Variants in HOXA7 observed in about 807,000 individuals in gnomAD.
HOXA7 encodes the protein homeobox A7.
In HOXA7, 16 loss-of-function variants were observed where a neutral mutation model predicts 16.8. The observed-to-expected ratio is 0.95, with a 90% CI of 0.64 to 1.44. HOXA7 has a LOEUF of 1.44. Ranked by LOEUF, HOXA7 falls within the 40% of genes most tolerant of loss-of-function variation. HOXA7 has a pLI of 0.00. For missense variants in HOXA7, 379 were observed against 328.6 expected (o/e 1.15, Z -1.19); for synonymous variants, 169 against 144.3 (o/e 1.17, Z -1.23).
Position 27,156,074 on chromosome 7 carries a change from GGCCCCGCGCCCCGC to G in HOXA7, c.379+79_379+92del, listed in dbSNP as rs979358073. On this transcript the variant is annotated intron_variant, in intron 1 of 1. Transcript: ENST00000242159. ...CGCAACAGCCTGGCTCCGCTCTTCCGGCCCCGCGCCCCGCGCTCCGCGCTCCCCAGCGCTGCGCT... is the reference window on the plus strand; with the variant it reads ...CGCAACAGCCTGGCTCCGCTCTTCCGGCTCCGCGCTCCCCAGCGCTGCGCT... 2.7e-5 allele frequency: 37 copies of G among 1,351,776 alleles called. 1 individual carries two copies. In the Admixed American group the frequency reaches 4.8e-4, roughly 17 times the overall value. The allele number at this position is 1,351,776 out of a possible 1,614,324, so 83.7% of individuals were successfully genotyped here. A position where few individuals can be genotyped will look rare whatever the true frequency, so the allele number is the denominator to read the frequency against.
intron 1 of HOXA7, 127 bp downstream of exon 1, chr7:27,156,040 C>A: frequency 8.6e-7 from 1 of 1,157,096 alleles, no homozygotes; most frequent in Non-Finnish European, 1.1e-6. Context: ...AGTCACGGGG[C>A]TACCGGCTCG....
rs747255380 is a variant in HOXA7 at position 27,156,470 on chromosome 7, G to A, written c.76C>T (p.Pro26Ser). Reference protein sequence around the residue: ...AGASLFQNAEPTSCSFAPNSQ... With the variant: ...AGASLFQNAESTSCSFAPNSQ... ...TTGGGAGCAAAGGAGCAAGAAGTCGGCTCGGCATTTTGGAACAGAGAAGCC... is the reference window on the plus strand; with the variant it reads ...TTGGGAGCAAAGGAGCAAGAAGTCGACTCGGCATTTTGGAACAGAGAAGCC... Residue 26 changes from proline to serine, a missense_variant, in exon 1 of 2, where the codon CCG becomes TCG. Coordinates refer to ENST00000242159, the MANE Select transcript of HOXA7 (RefSeq NM_006896.4). 3.1e-6 allele frequency: 5 copies of A among 1,612,458 alleles called. No homozygotes were observed. The South Asian group carries it at 4.4e-5, about 14-fold the overall frequency.
At position 27,156,315 on chromosome 7, in the gene HOXA7, G is replaced by C. The variant is rs563708052; in HGVS notation, c.231C>G (p.Tyr77Ter). The C allele has an allele frequency of 5.0e-6, 8 of 1,613,842 alleles. No homozygotes were observed. Among genetic ancestry groups the C allele is most frequent in the Non-Finnish European group, 6.8e-6 (8 of 1,179,976 alleles). ...CGTAGGAGGCGCAGGGCAGGTTGCC[G>C]TAGGCGTCGGCGCCCAGGCCGTAGC... ...ASGYGLGADAYGNLPCASYDQ... is the reference protein window; with the variant it reads ...ASGYGLGADA The change falls in exon 1 of 2, where the codon TAC becomes TAG. Residue 77 changes from tyrosine to a stop codon, truncating the protein, a stop_gained. Transcript: ENST00000242159. LOFTEE classifies it high-confidence loss of function.
At position 27,154,895 on chromosome 7, in the gene HOXA7, C is replaced by A; in HGVS notation, c.*14G>T. 6.2e-7 allele frequency: 1 copy of A among 1,601,036 alleles called. No homozygotes were observed. On this transcript the variant is annotated 3_prime_UTR_variant, in exon 2 of 2. Transcript: ENST00000242159. ...TCCGACTGTCCGGTGCAGAGAGGGC[C>A]CCGGATCGGCCCCTCATTCCTCCTC...
Position 27,155,178 on chromosome 7 carries a change from T to C in HOXA7, c.424A>G (p.Thr142Ala), listed in dbSNP as rs777542472. 5.0e-6 allele frequency: 8 copies of C among 1,614,258 alleles called. No homozygotes were observed. The East Asian group carries it at 1.8e-4, about 36-fold the overall frequency. ...RGRQTYTRYQ[T>A]LELEKEFHFN... ...TGGAACTCCTTCTCCAGCTCCAGCG[T>C]CTGGTAGCGCGTGTAGGTCTGGCGG... The change falls in exon 2 of 2, where the codon ACG (threonine) becomes GCG (alanine). Residue 142 changes from threonine to alanine, a missense_variant. Physicochemically the swap from Thr to Ala is moderately conservative, Grantham distance 58. Transcript: ENST00000242159.
Position 27,156,581 on chromosome 7 carries a change from A to C in HOXA7, c.-36T>G, listed in dbSNP as rs749122350. On this transcript the variant is annotated 5_prime_UTR_variant, in exon 1 of 2. Coordinates refer to ENST00000242159, the MANE Select transcript of HOXA7 (RefSeq NM_006896.4). ...TGTGATTTGTTGTCCGGCAGCTTTC[A>C]GTGTCGGTTTTACGAGGTAGAGTGA... The C allele has an allele frequency of 1.9e-6, 3 of 1,540,296 alleles. No homozygotes were observed. The South Asian group carries it at 3.8e-5, about 19-fold the overall frequency.
intron 1 of HOXA7, 191 bp downstream of exon 1, chr7:27,155,976 G>C: frequency 1.7e-6 from 1 of 579,602 alleles, no homozygotes; most frequent in Non-Finnish European, 2.7e-6. Flanking sequence ...CAATGCTATG[G>C]GCTCCACGCA....
rs1407134241 is a variant in HOXA7 at position 27,155,187 on chromosome 7, G to T, written c.415C>A (p.Arg139Ser). ...TTCTCCAGCTCCAGCGTCTGGTAGC[G>T]CGTGTAGGTCTGGCGGCCCCGCTTC... ...DRKRGRQTYT[R>S]YQTLELEKEF... Residue 139 changes from arginine to serine, a missense_variant, in exon 2 of 2, where the codon CGC (arginine) becomes AGC (serine). Arg to Ser is a moderately radical substitution (Grantham distance 110). Transcript: ENST00000242159. The T allele has an allele frequency of 1.2e-6, 2 of 1,614,138 alleles. No homozygotes were observed. Among genetic ancestry groups the T allele is most frequent in the East Asian group, 2.2e-5 (1 of 44,894 alleles).
At chr7:27,155,937 T>C in intron 1 of HOXA7, 2 of 410,068 alleles carry the variant, frequency 4.9e-6, no homozygotes, top group East Asian at 7.3e-5. Flanking sequence ...AATTGGGCCA[T>C]AAAAAGTTTT....
chr7:27,155,256 G>C (rs1223628180), intron 1 of HOXA7, 34 bp from the exon 2 acceptor site: 3 of 1,598,038 alleles, frequency 1.9e-6, no homozygotes, highest in East Asian at 2.2e-5. Flanking sequence ...TGAACACAAG[G>C]ACAGACAAGT....
At position 27,156,203 on chromosome 7, in the gene HOXA7, C is replaced by T. The variant is rs777330616; in HGVS notation, c.343G>A (p.Ala115Thr). Residue 115 changes from alanine to threonine, a missense_variant, in exon 1 of 2, where the codon GCC (alanine) becomes ACC (threonine). Coordinates refer to ENST00000242159, the MANE Select transcript of HOXA7 (RefSeq NM_006896.4). Reference protein sequence around the residue: ...DEGALHGAAEANFRIYPWMRS... With the variant: ...DEGALHGAAETNFRIYPWMRS... The stretch of plus-strand genomic sequence containing the variant: ...ATCCAGGGGTAGATGCGGAAATTGG[C>T]CTCAGCCGCGCCATGCAGCGCGCCC... 3 of 1,589,092 alleles carry T rather than the reference C, an allele frequency of 1.9e-6. No homozygotes were observed. The highest frequency in any genetic ancestry group is 2.6e-6 in the Non-Finnish European group (3 of 1,167,340).
chr7:27,155,612 T>A, intron 1 of HOXA7: 1 of 225,134 alleles, frequency 4.4e-6, no homozygotes, highest in Non-Finnish European at 8.9e-6. Flanking sequence ...GCTAGGCAAG[T>A]GGGCGACTCT....
rs755184161 is a variant in HOXA7, at chr7:27,155,143, G to A, written c.459C>T (p.Arg153=). The A allele has an allele frequency of 6.2e-7, 1 of 1,614,288 alleles. No individual in the cohort carries two copies. Among genetic ancestry groups the A allele is most frequent in the Non-Finnish European group, 8.5e-7 (1 of 1,180,058 alleles). ...LELEKEFHFN[R]YLTRRRRIEI... is the part of the protein sequence containing the mutation. ...CAATGCGGCGGCGCCGCGTCAGGTA[G>A]CGGTTGAAGTGGAACTCCTTCTCCA... Residue 153 remains arginine, a synonymous_variant, in exon 2 of 2, where the codon CGC becomes CGT. Transcript: ENST00000242159.
At position 27,156,408 on chromosome 7, in the gene HOXA7, G is replaced by A. The variant is rs1217000074; in HGVS notation, c.138C>T (p.Ala46=). ...QRSGYGAGAG[A]FASTVPGLYN... ...ATAAGCCCGGAACGGTCGAGGCGAA[G>A]GCGCCGGCGCCCGCCCCGTAGCCGC... Residue 46 remains alanine (A), a synonymous_variant, in exon 1 of 2, where the codon GCC becomes GCT. Coordinates refer to ENST00000242159, the MANE Select transcript of HOXA7 (RefSeq NM_006896.4). The A allele has an allele frequency of 1.2e-6, 2 of 1,613,810 alleles. No individual in the cohort carries two copies. The highest frequency in any genetic ancestry group is 2.7e-5 in the African/African-American group (2 of 75,070).
intron 1 of HOXA7, 66 bp downstream of exon 1, chr7:27,156,101 C>G: frequency 7.1e-7 from 1 of 1,407,266 alleles, no homozygotes; most frequent in Non-Finnish European, 9.2e-7. Flanking sequence ...TCCGCGCTCC[C>G]CAGCGCTGCG....
chr7:27,156,601 G>C lies in HOXA7; in HGVS notation c.-56C>G. On this transcript the variant is annotated 5_prime_UTR_variant, in exon 1 of 2. Coordinates refer to ENST00000242159, the MANE Select transcript of HOXA7 (RefSeq NM_006896.4). ...CTTTCAGTGTCGGTTTTACGAGGTA[G>C]AGTGATATATGATAACATTACACCC... is the stretch of plus-strand genomic sequence containing the variant. The C allele has an allele frequency of 1.3e-6, 2 of 1,515,046 alleles. No homozygotes were observed. Among genetic ancestry groups the C allele is most frequent in the Non-Finnish European group, 1.8e-6 (2 of 1,124,962 alleles). The allele number at this position is 1,515,046 out of a possible 1,614,324, so 93.9% of individuals were successfully genotyped here. A position where few individuals can be genotyped will look rare whatever the true frequency, so the allele number is the denominator to read the frequency against.
Position 27,155,331 on chromosome 7 carries a change from G to C in HOXA7, c.380-109C>G, listed in dbSNP as rs759131860. ...CCTTCCTCCTGGCCTAGTCCCCAGC[G>C]AGCATCCCCCTCTGCCCCAGGCCCC... is the stretch of plus-strand genomic sequence containing the variant. On this transcript the variant is annotated intron_variant, in intron 1 of 1. Coordinates refer to ENST00000242159, the MANE Select transcript of HOXA7 (RefSeq NM_006896.4). 8 of 1,042,516 alleles carry C rather than the reference G, an allele frequency of 7.7e-6. No homozygotes were observed. The African/African-American group carries it at 9.5e-5, about 12-fold the overall frequency. 64.6% of individuals were successfully genotyped at this position (1,042,516 alleles called of 1,614,324 possible).
Position 27,154,768 on chromosome 7 carries a change from T to A in HOXA7, c.*141A>T. On this transcript the variant is annotated 3_prime_UTR_variant, in exon 2 of 2. Transcript: ENST00000242159. ...TGATGGGGGTGGGTAGAGTGCAGGT[T>A]GGGGACTGGGTTGCTTTTTTGTTTT... is the stretch of plus-strand genomic sequence containing the variant. The A allele has an allele frequency of 7.9e-7, 1 of 1,270,522 alleles. No individual in the cohort carries two copies. The highest frequency in any genetic ancestry group is 1.1e-6 in the Non-Finnish European group (1 of 950,528). The allele number at this position is 1,270,522 out of a possible 1,614,324, so 78.7% of individuals were successfully genotyped here.
Position 27,156,395 on chromosome 7 carries a change from C to A in HOXA7, c.151G>T (p.Val51Phe), listed in dbSNP as rs1783108657. 2 of 1,613,544 alleles carry A rather than the reference C, an allele frequency of 1.2e-6. No homozygotes were observed. Among genetic ancestry groups the A allele is most frequent in the African/African-American group, 2.7e-5 (2 of 74,916 alleles). ...GAGAGAFAST[V>F]PGLYNVNSPL... ...CTGTTGACATTGTATAAGCCCGGAA[C>A]GGTCGAGGCGAAGGCGCCGGCGCCC... Residue 51 changes from valine to phenylalanine, a missense_variant, in exon 1 of 2, where the codon GTT becomes TTT. Coordinates refer to ENST00000242159, the MANE Select transcript of HOXA7 (RefSeq NM_006896.4).
Sources: allele counts gnomAD v4.1 joint callset, GRCh38; gene constraint gnomAD v4.1.1; transcripts MANE v1.5; gene names NCBI Gene and HGNC (gene_info 2026-07-23, HGNC 2026-07-21).